Variants in TCF12 observed in about 807,000 individuals in gnomAD.
TCF12 encodes the protein transcription factor 12, also known as DNA-binding protein HTF4.
Under a neutral mutation model 86.0 loss-of-function variants are expected in TCF12, and 45 were observed. That is an observed-to-expected ratio of 0.52 (90% CI 0.41 to 0.67). The LOEUF (loss-of-function observed/expected upper bound fraction) is 0.67, where lower values mean the gene tolerates loss of function less well. TCF12 is among the 30% of genes least tolerant of loss of function. The pLI, the probability that TCF12 is intolerant of heterozygous loss-of-function variation, is 0.00. For synonymous variants in TCF12, 330 were observed against 299.6 expected (o/e 1.10, Z -1.05); for missense variants, 881 against 859.9 (o/e 1.02, Z -0.31).
At chr15:57,257,732 G>A (rs1240691753) in intron 16 of TCF12, among the ~76,000 whole-genome samples, 1 of 150,706 alleles carries the variant, frequency 6.6e-6, no homozygotes, top group East Asian at 1.9e-4. Context: ...CTCCCAGCCT[G>A]CAGTACGGAC....
intron 3 of TCF12, 150 bp from the exon 4 acceptor site, chr15:57,063,600 T>C (rs540797518): frequency 1.3e-4 from 66 of 510,554 alleles, no homozygotes; most frequent in South Asian, 8.6e-4. Flanking sequence ...CAGTAACTTA[T>C]ATTTTACAGG....
At chr15:57,061,980 G>A (rs576753639) in intron 3 of TCF12, among the ~76,000 whole-genome samples, 4 of 150,526 alleles carry the variant, frequency 2.7e-5, no homozygotes, top group South Asian at 2.1e-4. Flanking sequence ...TTTTTGAGAT[G>A]GAGTCTTGCT....
chr15:57,193,127 T>A (rs2057071234), intron 7 of TCF12, among the ~76,000 whole-genome samples: 1 of 152,196 alleles, frequency 6.6e-6, no homozygotes, highest in Non-Finnish European at 1.5e-5. Context: ...ATAAATAGAT[T>A]TAACATAAAA....
Position 57,247,555 on chromosome 15 carries a change from T to C in TCF12, c.1115-3795T>C, listed in dbSNP as rs1270487572. The C allele has an allele frequency of 4.4e-6, 4 of 916,106 alleles. No homozygotes were observed. In the African/African-American group the frequency reaches 6.5e-5, roughly 15 times the overall value. The allele number at this position is 916,106 out of a possible 1,614,324, so 56.7% of individuals were successfully genotyped here. On this transcript the variant is annotated intron_variant, in intron 13 of 20. Transcript: ENST00000333725. ...AAGTTATAAAAGCAAATCCTGTCTT[T>C]TTTCCACTCTGCCTGTCTTCCATAA... is the stretch of plus-strand genomic sequence containing the variant.
At chr15:57,155,641 G>T (rs1350907) in intron 5 of TCF12, among the ~76,000 whole-genome samples, 6 of 152,142 alleles carry the variant, frequency 3.9e-5, no homozygotes, top group Admixed American at 1.3e-4. Context: ...CAAAAATGTT[G>T]TAAAATTAAC....
intron 3 of TCF12, among the ~76,000 whole-genome samples, chr15:56,986,495 T>C (rs536859622): frequency 6.6e-6 from 1 of 152,300 alleles, no homozygotes; most frequent in Admixed American, 6.5e-5. Flanking sequence ...TAGCTGACTG[T>C]GTAAAAATCT....
intron 4 of TCF12, among the ~76,000 whole-genome samples, chr15:57,082,757 T>C (rs1439335648): frequency 2.0e-5 from 3 of 152,188 alleles, no homozygotes; most frequent in Non-Finnish European, 4.4e-5. Context: ...TTTGGCAATA[T>C]CTAGTAAATT....
intron 13 of TCF12, chr15:57,248,107 G>A (rs2059944565): frequency 1.4e-6 from 1 of 702,186 alleles, no homozygotes. Context: ...TCTTTCTTTT[G>A]AGAGTCTTTT....
chr15:57,144,679 A>T (rs190174655), intron 5 of TCF12, among the ~76,000 whole-genome samples: 10 of 152,054 alleles, frequency 6.6e-5, no homozygotes, highest in African/African-American at 2.4e-4. Context: ...GCTCACTGCA[A>T]CCTCCGCCTC....
At chr15:56,984,000 T>TAAAAAAAAAAAAAA (rs1595962155) in intron 3 of TCF12, among the ~76,000 whole-genome samples, 1 of 3,748 alleles carries the variant, frequency 2.7e-4, no homozygotes, top group Non-Finnish European at 9.8e-4. Flanking sequence ...AGACCCTGTC[T>TAAAAAAAAAAAAAA]CAAAAAAAAA....
intron 3 of TCF12, among the ~76,000 whole-genome samples, chr15:56,974,928 G>A (rs774014322): frequency 2.0e-5 from 3 of 152,036 alleles, no homozygotes; most frequent in Non-Finnish European, 4.4e-5. Context: ...TTGTAGTTAA[G>A]CCATTTACAG....
Position 57,287,861 on chromosome 15 carries a change from G to C in TCF12, c.*1716G>C, listed in dbSNP as rs2061983430. On this transcript the variant is annotated 3_prime_UTR_variant, in exon 21 of 21. Transcript: ENST00000333725. Reference sequence around the variant, plus strand: ...TACATCGGACTCTATCTGTGGCCTTGTTCTTCATTTCAGTGTTAATCAGCT... The same window carrying C: ...TACATCGGACTCTATCTGTGGCCTTCTTCTTCATTTCAGTGTTAATCAGCT... 1 of 152,628 alleles carries C rather than the reference G, an allele frequency of 6.6e-6. No individual in the cohort carries two copies. 9.5% of individuals were successfully genotyped at this position (152,628 alleles called of 1,614,324 possible). A position where few individuals can be genotyped will look rare whatever the true frequency, so the allele number is the denominator to read the frequency against.
chr15:57,207,446 G>A (rs376880691), intron 8 of TCF12, among the ~76,000 whole-genome samples: 8 of 152,096 alleles, frequency 5.3e-5, no homozygotes, highest in Non-Finnish European at 1.2e-4. Context: ...CAAGGCAGGC[G>A]GATCACTTAA....
intron 3 of TCF12, among the ~76,000 whole-genome samples, chr15:56,940,470 C>T (rs1466948376): frequency 6.6e-6 from 1 of 150,428 alleles, no homozygotes; most frequent in Admixed American, 6.9e-5. Flanking sequence ...TCTTCCTCTT[C>T]TTCTTCTTCT....
chr15:57,248,611 A>G (rs893130150), intron 13 of TCF12, among the ~76,000 whole-genome samples: 6 of 152,236 alleles, frequency 3.9e-5, no homozygotes, highest in African/African-American at 1.2e-4. Flanking sequence ...CAGCTAATCA[A>G]TGAGCTACTT....
intron 12 of TCF12, among the ~76,000 whole-genome samples, chr15:57,235,622 C>A (rs2059349730): frequency 6.6e-6 from 1 of 152,188 alleles, no homozygotes; most frequent in Admixed American, 6.5e-5. Context: ...TTATTCTATA[C>A]TAAACCTGTA....
intron 13 of TCF12, among the ~76,000 whole-genome samples, chr15:57,244,172 C>T (rs1165366458): frequency 6.6e-6 from 1 of 152,070 alleles, no homozygotes; most frequent in African/African-American, 2.4e-5. Context: ...AGCCGCCATA[C>T]CTACCCCCCA....
rs1378305051 is a variant in TCF12, at chr15:57,072,738, T to C, written c.222+8915T>C. The C allele has an allele frequency of 1.2e-5, 15 of 1,283,254 alleles. No homozygotes were observed. The African/African-American group carries it at 2.1e-4, about 18-fold the overall frequency. The allele number at this position is 1,283,254 out of a possible 1,614,324, so 79.5% of individuals were successfully genotyped here. ...AAGTAAGTGTTTTCTATATATTGCATCTGTGTTCCCATTAATCTCTGTTTT... is the reference window on the plus strand; with the variant it reads ...AAGTAAGTGTTTTCTATATATTGCACCTGTGTTCCCATTAATCTCTGTTTT... On this transcript the variant is annotated intron_variant, in intron 4 of 20. Coordinates refer to ENST00000333725, the MANE Select transcript of TCF12 (RefSeq NM_207037.2).
chr15:56,942,833 G>A (rs531665509), intron 3 of TCF12, among the ~76,000 whole-genome samples: 2 of 152,180 alleles, frequency 1.3e-5, no homozygotes, highest in East Asian at 1.9e-4. Flanking sequence ...AGATATGAAC[G>A]TATTATTTGC....
Sources: gnomAD v4.1 joint callset for allele counts (sites outside exome capture counted in the v4.1 genomes callset) on GRCh38, gnomAD v4.1.1 for gene constraint, MANE v1.5 for transcripts, NCBI Gene and HGNC (gene_info 2026-07-23, HGNC 2026-07-21) for gene names.